The following PLCL1 variants were observed in gnomAD, a reference collection of about 807,000 sequenced individuals.
PLCL1 encodes inactive phospholipase C-like protein 1.
In PLCL1, 41 loss-of-function variants were observed where a neutral mutation model predicts 84.4. That is an observed-to-expected ratio of 0.49 (90% CI 0.38 to 0.63). PLCL1 has a LOEUF of 0.63. PLCL1 is among the 30% of genes least tolerant of loss of function. The pLI is 0.00. For synonymous variants in PLCL1, 490 were observed against 488.3 expected, an observed-to-expected ratio of 1.00 and a Z score of -0.05; for missense variants, 1,206 against 1,367.8, an observed-to-expected ratio of 0.88 and a Z score of 1.87.
At position 198,093,529 on chromosome 2, in the gene PLCL1, A is replaced by G. The variant is rs537025706; in HGVS notation, c.2919+4468A>G. Among the ~76,000 whole-genome samples, 3 of 152,346 alleles carry G rather than the reference A, an allele frequency of 2.0e-5. No homozygotes were observed. The East Asian group carries it at 5.8e-4, about 29-fold the overall frequency. ...AAACTGATTTGGATGAATAAGGGAA[A>G]AAAGCAAATCCAAGATTTATTGCCT... On this transcript the variant is annotated intron_variant, in intron 3 of 5. Transcript: ENST00000428675.
Position 197,805,339 on chromosome 2 carries a change from G to C in PLCL1, c.240G>C (p.Lys80Asn). 7.5e-7 allele frequency: 1 copy of C among 1,333,578 alleles called. No homozygotes were observed. Among genetic ancestry groups the C allele is most frequent in the Non-Finnish European group, 9.5e-7 (1 of 1,048,184 alleles). 82.6% of individuals were successfully genotyped at this position (1,333,578 alleles called of 1,614,324 possible). A position where few individuals can be genotyped will look rare whatever the true frequency, so the allele number is the denominator to read the frequency against. Residue 80 changes from lysine (K) to asparagine (N), a missense_variant and splice_region_variant, in exon 1 of 6, where the codon AAG (lysine) becomes AAC (asparagine). Physicochemically the swap from Lys to Asn is moderately conservative, Grantham distance 94. Transcript: ENST00000428675. This position sits in a 1 kb window ranked among gnomAD's most constrained non-coding sequence, Gnocchi z 4.0. ...RATPRRSSII[K>N]DPSNQKCGGR... Reference sequence around the variant, plus strand: ...CCCCCCGGCGCAGCAGCATCATCAAGGTAAGCAAAGCCGCGCCGCACCGGG... The same window carrying C: ...CCCCCCGGCGCAGCAGCATCATCAACGTAAGCAAAGCCGCGCCGCACCGGG...
chr2:198,128,217 CA>C (rs1401640400), intron 5 of PLCL1, among the ~76,000 whole-genome samples: 1 of 152,076 alleles, frequency 6.6e-6, no homozygotes, highest in Non-Finnish European at 1.5e-5. Flanking sequence ...CAAAAAATTC[CA>C]AAAAGCTAGT....
At chr2:198,126,140 G>A (rs1051840516) in intron 5 of PLCL1, among the ~76,000 whole-genome samples, 1 of 151,964 alleles carries the variant, frequency 6.6e-6, no homozygotes, top group Non-Finnish European at 1.5e-5. Flanking sequence ...ATTTTTCTTT[G>A]ATTAGTTTCC....
chr2:197,943,644 T>G (rs1196618405), intron 1 of PLCL1, among the ~76,000 whole-genome samples: 1 of 151,286 alleles, frequency 6.6e-6, no homozygotes, highest in East Asian at 1.9e-4. Context: ...TTTTTTTTTT[T>G]TTGTTACTTT....
intron 1 of PLCL1, among the ~76,000 whole-genome samples, chr2:198,075,230 G>T (rs901949074): frequency 9.2e-5 from 14 of 152,172 alleles, no homozygotes; most frequent in African/African-American, 3.4e-4. Context: ...AAGCCCACTT[G>T]GTTCTTGGCA....
chr2:198,019,283 A>T (rs1202214790), intron 1 of PLCL1, among the ~76,000 whole-genome samples: 1 of 152,098 alleles, frequency 6.6e-6, no homozygotes, highest in South Asian at 2.1e-4. Context: ...AGGAAAATCC[A>T]GCATAAAAAG....
chr2:198,016,296 G>A (rs542364677), intron 1 of PLCL1, among the ~76,000 whole-genome samples: 88 of 152,270 alleles, frequency 5.8e-4, no homozygotes, highest in African/African-American at 1.9e-3. Context: ...GTTACTTGTC[G>A]TGCTCACAGA....
At chr2:197,909,787 T>G (rs1176216309) in intron 1 of PLCL1, among the ~76,000 whole-genome samples, 2 of 152,146 alleles carry the variant, frequency 1.3e-5, no homozygotes, top group Non-Finnish European at 2.9e-5. Flanking sequence ...ATAAGGGTCA[T>G]AGGATGTAGT....
chr2:198,045,032 A>G (rs755978575), intron 1 of PLCL1, among the ~76,000 whole-genome samples: 1 of 152,218 alleles, frequency 6.6e-6, no homozygotes, highest in Non-Finnish European at 1.5e-5. Context: ...TGTGGTTGCA[A>G]TGAGTAAAGT....
At chr2:198,053,712 G>T (rs541516887) in intron 1 of PLCL1, among the ~76,000 whole-genome samples, 6 of 152,170 alleles carry the variant, frequency 3.9e-5, no homozygotes, top group Non-Finnish European at 8.8e-5. Flanking sequence ...GGTTGTGATA[G>T]AAATAGAAAG....
chr2:198,147,069 TG>T lies in PLCL1; in HGVS notation c.*111del. ...TAAGTTCACAAAATGGTGCCCTATA[TG>T]GGGTATTGGACATAGATATTTTCAC... On this transcript the variant is annotated 3_prime_UTR_variant, in exon 6 of 6. Transcript: ENST00000428675. The T allele has an allele frequency of 8.8e-6, 7 of 794,330 alleles. 1 individual carries two copies. The highest frequency in any genetic ancestry group is 5.4e-4 in the Middle Eastern group (2 of 3,670). 49.2% of individuals were successfully genotyped at this position (794,330 alleles called of 1,614,324 possible). A position where few individuals can be genotyped will look rare whatever the true frequency, so the allele number is the denominator to read the frequency against.
At chr2:198,146,487 A>C (rs1025202453) in intron 5 of PLCL1, among the ~76,000 whole-genome samples, 2 of 152,178 alleles carry the variant, frequency 1.3e-5, no homozygotes, top group Non-Finnish European at 2.9e-5. Context: ...GTGATGGAAG[A>C]GTTGATGTCC....
intron 1 of PLCL1, among the ~76,000 whole-genome samples, chr2:197,848,341 A>G (rs1309901794): frequency 6.6e-6 from 1 of 152,240 alleles, no homozygotes; most frequent in African/African-American, 2.4e-5. Flanking sequence ...GAAAGAGTAG[A>G]AGAAAAGGTA....
intron 1 of PLCL1, among the ~76,000 whole-genome samples, chr2:197,910,304 C>T (rs1221021225): frequency 6.6e-6 from 1 of 152,172 alleles, no homozygotes; most frequent in African/African-American, 2.4e-5. Context: ...TTGGTTTCAT[C>T]TTCTGTAAAA....
At chr2:198,092,012 G>A (rs1693055807) in intron 3 of PLCL1, among the ~76,000 whole-genome samples, 1 of 150,224 alleles carries the variant, frequency 6.7e-6, no homozygotes, top group African/African-American at 2.5e-5. Context: ...AGCCTCCCCT[G>A]CCTCTTTAGT....
intron 1 of PLCL1, among the ~76,000 whole-genome samples, chr2:198,043,606 C>G (rs1691718506): frequency 6.6e-6 from 1 of 152,104 alleles, no homozygotes; most frequent in South Asian, 2.1e-4. Flanking sequence ...GACCCAGAAT[C>G]AGGTGGAGGT....
At position 198,101,351 on chromosome 2, in the gene PLCL1, C is replaced by A; in HGVS notation, c.2986C>A (p.Gln996Lys). The A allele has an allele frequency of 6.5e-7, 1 of 1,530,656 alleles. No homozygotes were observed. The highest frequency in any genetic ancestry group is 8.9e-7 in the Non-Finnish European group (1 of 1,118,994). 94.8% of individuals were successfully genotyped at this position (1,530,656 alleles called of 1,614,324 possible). A position where few individuals can be genotyped will look rare whatever the true frequency, so the allele number is the denominator to read the frequency against. Reference sequence around the variant, plus strand: ...AGTCCAGGAAAAGATTGTACAGTGTCAGAAAGCAGGTAATTGTTTTTAATT... The same window carrying A: ...AGTCCAGGAAAAGATTGTACAGTGTAAGAAAGCAGGTAATTGTTTTTAATT... ...DTVQEKIVQC[Q>K]KAGMEFHEEL... is the part of the protein sequence containing the mutation. Residue 996 changes from glutamine (Q) to lysine (K), a missense_variant, in exon 4 of 6, where the codon CAG becomes AAG. Gln to Lys is a moderately conservative substitution (Grantham distance 53). Transcript: ENST00000428675.
intron 1 of PLCL1, among the ~76,000 whole-genome samples, chr2:197,936,362 A>G (rs1222555763): frequency 2.0e-5 from 3 of 152,116 alleles, no homozygotes; most frequent in African/African-American, 7.2e-5. Flanking sequence ...TGGCTATATT[A>G]ATTTATATTT....
In PLCL1 at chr2:197,863,822, A is replaced by C. The variant is rs147193917; in HGVS notation, c.240+58483A>C. The stretch of plus-strand genomic sequence containing the variant: ...CTTATTACCTGTACACTTAATATTA[A>C]ATTTCTCTATAAGGAACAGTGTCAG... On this transcript the variant is annotated intron_variant, in intron 1 of 5. Coordinates refer to ENST00000428675, the MANE Select transcript of PLCL1 (RefSeq NM_006226.4). 6.2e-4 allele frequency among the ~76,000 whole-genome samples: 94 copies of C among 152,212 alleles called. No homozygotes were observed. In the Middle Eastern group the frequency reaches 0.01, roughly 17 times the overall value.
Sources: gnomAD v4.1 joint callset for allele counts (sites outside exome capture counted in the v4.1 genomes callset) on GRCh38, gnomAD v4.1.1 for gene constraint, Gnocchi (gnomAD v3.1) non-coding constraint, MANE v1.5 for transcripts, NCBI Gene and HGNC (gene_info 2026-07-23, HGNC 2026-07-21) for gene names.